NRXN2: variants seen among roughly 807,000 people sequenced by gnomAD.
The protein encoded by NRXN2 is neurexin-2-beta.
NRXN2 carries 29 observed loss-of-function variants against 128.8 expected under a neutral mutation model. The ratio of observed to expected loss-of-function variants is 0.23; its 90% CI spans 0.17 to 0.31. The LOEUF (loss-of-function observed/expected upper bound fraction) is 0.31, where lower values mean the gene tolerates loss of function less well. Ranked by LOEUF, NRXN2 falls within the 10% of genes least tolerant of loss-of-function variation. The pLI is 1.00. For synonymous variants in NRXN2, 1,098 were observed against 1,075.2 expected, an observed-to-expected ratio of 1.02 and a Z score of -0.41; for missense variants, 1,881 against 2,452.6, an observed-to-expected ratio of 0.77 and a Z score of 4.92.
chr11:64,659,016 T>A (rs1423110823), intron 11 of NRXN2, among the ~76,000 whole-genome samples: 1 of 152,168 alleles, frequency 6.6e-6, no homozygotes, highest in Non-Finnish European at 1.5e-5. Context: ...AGAGCGAGAC[T>A]CCATCTCAAA....
At chr11:64,626,695 GC>G in intron 19 of NRXN2, 143 bp from the exon 20 acceptor site, 1 of 745,618 alleles carries the variant, frequency 1.3e-6, no homozygotes, top group Non-Finnish European at 2.4e-6. Context: ...GAAACGCTGG[GC>G]CCCTCTTTTC....
chr11:64,626,539 G>C lies in NRXN2; in HGVS notation c.3771C>G (p.Asn1257Lys). The C allele has an allele frequency of 6.2e-7, 1 of 1,613,920 alleles. No homozygotes were observed. The highest frequency in any genetic ancestry group is 8.5e-7 in the Non-Finnish European group (1 of 1,179,804). Residue 1257 changes from asparagine to lysine, a missense_variant, in exon 20 of 23, where the codon AAC becomes AAG. By Grantham distance (94) the Asn-to-Lys change is moderately conservative. Coordinates refer to ENST00000265459, the MANE Select transcript of NRXN2 (RefSeq NM_015080.4). The part of the protein sequence containing the change: ...NERYPAGNFD[N>K]ERLAIARQRI... Reference sequence around the variant, plus strand: ...TCTGTCTAGCAATCGCCAGGCGCTCGTTATCAAAGTTTCCTTGGAAAAGTT... The same window carrying C: ...TCTGTCTAGCAATCGCCAGGCGCTCCTTATCAAAGTTTCCTTGGAAAAGTT...
chr11:64,702,947 C>CCACTG (rs2055700791), intron 2 of NRXN2, among the ~76,000 whole-genome samples: 1 of 141,196 alleles, frequency 7.1e-6, no homozygotes, highest in Non-Finnish European at 1.5e-5. Context: ...TATGATCACA[C>CCACTG]CACTGCACTT....
rs115809915 is a variant in NRXN2 at position 64,623,842 on chromosome 11, A to G, written c.3848-764T>C. On this transcript the variant is annotated intron_variant, in intron 20 of 22. Transcript: ENST00000265459. This position sits in a 1 kb window ranked among gnomAD's most constrained non-coding sequence, Gnocchi z 4.9. ...ACCTTGCTTCGCTCACTGACAGCCA[A>G]TAAAACCCGCTCCAGCTCCAATCTC... The G allele has an allele frequency of 6.6e-6, 1 of 152,412 alleles. No homozygotes were observed. Among genetic ancestry groups the G allele is most frequent in the African/African-American group, 2.4e-5 (1 of 41,538 alleles). The allele number at this position is 152,412 out of a possible 1,614,324, so 9.4% of individuals were successfully genotyped here.
chr11:64,649,022 A>T (rs2047100832), intron 15 of NRXN2, 115 bp from the exon 16 acceptor site: 1 of 1,065,318 alleles, frequency 9.4e-7, no homozygotes, highest in Non-Finnish European at 1.4e-6. Flanking sequence ...TCCATCCCAG[A>T]TTCCAGGTCC....
At chr11:64,620,995 C>T (rs1456144435) in intron 21 of NRXN2, among the ~76,000 whole-genome samples, 7 of 151,516 alleles carry the variant, frequency 4.6e-5, no homozygotes, top group African/African-American at 1.2e-4. Flanking sequence ...AGGAGGGGGG[C>T]GCTCAGGGGC....
intron 17 of NRXN2, among the ~76,000 whole-genome samples, chr11:64,644,450 C>G (rs1045253471): frequency 6.6e-6 from 1 of 152,180 alleles, no homozygotes; most frequent in Non-Finnish European, 1.5e-5. Context: ...CACTGAGTGT[C>G]CCATTTAGGA....
intron 3 of NRXN2, among the ~76,000 whole-genome samples, chr11:64,694,434 G>T (rs965448338): frequency 5.3e-5 from 8 of 152,274 alleles, no homozygotes; most frequent in African/African-American, 1.9e-4. Context: ...GAGGAGGACA[G>T]GAAGGACATG....
chr11:64,649,266 C>A (rs1487672495), intron 15 of NRXN2, among the ~76,000 whole-genome samples: 6 of 152,136 alleles, frequency 3.9e-5, no homozygotes, highest in Admixed American at 6.5e-5. Flanking sequence ...CACCCCCATT[C>A]CCTCCCTCCC....
At chr11:64,609,352 G>A (rs1313901898) in intron 22 of NRXN2, among the ~76,000 whole-genome samples, 1 of 151,960 alleles carries the variant, frequency 6.6e-6, no homozygotes, top group Non-Finnish European at 1.5e-5. Context: ...CAAAACAACG[G>A]AAAGAAGAAG....
At chr11:64,617,875 A>G (rs774673419) in intron 22 of NRXN2, among the ~76,000 whole-genome samples, 1 of 152,170 alleles carries the variant, frequency 6.6e-6, no homozygotes, top group Non-Finnish European at 1.5e-5. Context: ...ACGTGTAAGC[A>G]TGTGCGATGC....
chr11:64,611,949 CCT>C (rs2040724439), intron 22 of NRXN2, among the ~76,000 whole-genome samples: 2 of 149,746 alleles, frequency 1.3e-5, no homozygotes, highest in African/African-American at 2.4e-5. Context: ...CTCATGGTAG[CCT>C]CTGTCTCCCA....
chr11:64,637,641 T>C (rs1173610147), intron 17 of NRXN2, among the ~76,000 whole-genome samples: 3 of 152,102 alleles, frequency 2.0e-5, no homozygotes, highest in Non-Finnish European at 4.4e-5. Context: ...CTCACCTTCC[T>C]GATCAGAGGC....
At chr11:64,680,717 T>C (rs1043190150) in intron 6 of NRXN2, among the ~76,000 whole-genome samples, 2 of 152,142 alleles carry the variant, frequency 1.3e-5, no homozygotes, top group Non-Finnish European at 2.9e-5. Context: ...GACGTTACAG[T>C]GCAATCTGAG....
At chr11:64,697,293 C>T (rs1050201651) in intron 3 of NRXN2, among the ~76,000 whole-genome samples, 3 of 152,178 alleles carry the variant, frequency 2.0e-5, no homozygotes, top group Non-Finnish European at 2.9e-5. Flanking sequence ...ACTCCACCAC[C>T]CTCCAGTCCC....
At chr11:64,669,766 C>A (rs2050377533) in intron 7 of NRXN2, among the ~76,000 whole-genome samples, 1 of 152,186 alleles carries the variant, frequency 6.6e-6, no homozygotes, top group Admixed American at 6.5e-5. Flanking sequence ...AGACCACGAG[C>A]CCCTACTCTA....
chr11:64,704,702 C>T (rs1565458748), intron 2 of NRXN2, among the ~76,000 whole-genome samples: 2 of 148,608 alleles, frequency 1.3e-5, no homozygotes, highest in African/African-American at 2.5e-5. Context: ...GCTCCTCCTA[C>T]GGGTGGAGAC....
rs555300014 is a variant in NRXN2, at chr11:64,647,281, G to A, written c.3403+938C>T. On this transcript the variant is annotated intron_variant, in intron 17 of 22. Transcript: ENST00000265459. ...TGTGTGTGTTTCTTCCCAGGCAGTTGACTTTTCTGCTTGGTCTCTCAGCAG... is the reference window on the plus strand; with the variant it reads ...TGTGTGTGTTTCTTCCCAGGCAGTTAACTTTTCTGCTTGGTCTCTCAGCAG... Among the ~76,000 whole-genome samples, 5 of 151,964 alleles carry A rather than the reference G, an allele frequency of 3.3e-5. No homozygotes were observed. In the East Asian group the frequency reaches 9.7e-4, roughly 29 times the overall value.
chr11:64,607,038 C>G lies in NRXN2; in HGVS notation c.*158G>C. 1.3e-6 allele frequency: 1 copy of G among 767,642 alleles called. No homozygotes were observed. Among genetic ancestry groups the G allele is most frequent in the Non-Finnish European group, 2.0e-6 (1 of 490,906 alleles). 47.6% of individuals were successfully genotyped at this position (767,642 alleles called of 1,614,324 possible). On this transcript the variant is annotated 3_prime_UTR_variant, in exon 23 of 23. Coordinates refer to ENST00000265459, the MANE Select transcript of NRXN2 (RefSeq NM_015080.4). ...GACGGCAGGAGGAAGGGGGCGAGCA[C>G]GGGGTTTTTCCTTTTCTTTTTTTGC... is the stretch of plus-strand genomic sequence containing the variant.
Sources: gnomAD v4.1 joint callset for allele counts (sites outside exome capture counted in the v4.1 genomes callset) on GRCh38, gnomAD v4.1.1 for gene constraint, Gnocchi (gnomAD v3.1) non-coding constraint, MANE v1.5 for transcripts, NCBI Gene and HGNC (gene_info 2026-07-23, HGNC 2026-07-21) for gene names.